ITGAD: variants seen among roughly 807,000 people sequenced by gnomAD.
ITGAD encodes integrin alpha-D.
Under a neutral mutation model 139.0 loss-of-function variants are expected in ITGAD, and 105 were observed. The ratio of observed to expected loss-of-function variants is 0.76; its 90% confidence interval spans 0.65 to 0.89. The LOEUF (loss-of-function observed/expected upper bound fraction) is 0.89. ITGAD is among the 40% of genes least tolerant of loss of function. The pLI, the probability that ITGAD is intolerant of heterozygous loss-of-function variation, is 0.00. For missense variants in ITGAD, 1,384 were observed against 1,487.3 expected (o/e 0.93, Z 1.14); for synonymous variants, 569 against 598.3 (o/e 0.95, Z 0.71).
Position 31,413,246 on chromosome 16 carries a change from G to A in ITGAD, c.1996G>A (p.Gly666Ser). 1 of 1,613,970 alleles carries A rather than the reference G, an allele frequency of 6.2e-7. No homozygotes were observed. Among genetic ancestry groups the A allele is most frequent in the Non-Finnish European group, 8.5e-7 (1 of 1,179,938 alleles). The change falls in exon 16 of 30, where the codon GGT (glycine) becomes AGT (serine). Residue 666 changes from glycine to serine, a missense_variant and splice_region_variant. Coordinates refer to ENST00000389202, the MANE Select transcript of ITGAD (RefSeq NM_005353.3). Reference sequence around the variant, plus strand: ...CCAGAAAAGCTCACTGGACCAGCTAGGTGTGTTTCCCCCATAAAGGGGGCC... The same window carrying A: ...CCAGAAAAGCTCACTGGACCAGCTAAGTGTGTTTCCCCCATAAAGGGGGCC... ...TIQKSSLDQLGDIQSSVRFDL... is the reference protein window; with the variant it reads ...TIQKSSLDQLSDIQSSVRFDL...
intron 5 of ITGAD, among the ~76,000 whole-genome samples, chr16:31,399,395 C>T (rs557504695): frequency 1.1e-4 from 17 of 152,262 alleles, no homozygotes; most frequent in African/African-American, 3.6e-4. Flanking sequence ...TCTCATCTGC[C>T]GTGTGAGAGG....
intron 23 of ITGAD, among the ~76,000 whole-genome samples, chr16:31,419,003 G>GA (rs2081955154): frequency 8.2e-6 from 1 of 121,976 alleles, no homozygotes. Flanking sequence ...CAGCCTGGGT[G>GA]ACAGAGGGAG....
In ITGAD at chr16:31,397,422, C is replaced by T. The variant is rs560106374; in HGVS notation, c.201C>T (p.Cys67=). The T allele has an allele frequency of 1.6e-5, 26 of 1,603,064 alleles. No homozygotes were observed. The highest frequency in any genetic ancestry group is 1.7e-4 in the Middle Eastern group (1 of 6,048). The part of the protein sequence containing the change: ...AANQTGRLYD[C]AAATGMCQPI... ...ACCAGACGGGACGGCTGTATGACTGCGCAGCTGCCACCGGCATGTGCCAGC... is the reference window on the plus strand; with the variant it reads ...ACCAGACGGGACGGCTGTATGACTGTGCAGCTGCCACCGGCATGTGCCAGC... Residue 67 remains cysteine (C), a synonymous_variant, in exon 3 of 30, where the codon TGC becomes TGT. Transcript: ENST00000389202.
At chr16:31,409,463 G>A (rs2081625573) in intron 10 of ITGAD, among the ~76,000 whole-genome samples, 1 of 151,980 alleles carries the variant, frequency 6.6e-6, no homozygotes, top group Non-Finnish European at 1.5e-5. Flanking sequence ...ACATACTTGG[G>A]GGTTCATTAT....
In ITGAD at chr16:31,397,455, G is replaced by C. The variant is rs200212154; in HGVS notation, c.234G>C (p.Pro78=). 13 of 1,593,156 alleles carry C rather than the reference G, an allele frequency of 8.2e-6. No individual in the cohort carries two copies. The highest frequency in any genetic ancestry group is 1.1e-5 in the Non-Finnish European group (13 of 1,169,590). Residue 78 remains proline, a synonymous_variant, in exon 3 of 30, where the codon CCG becomes CCC. Transcript: ENST00000389202. ...CCACCGGCATGTGCCAGCCCATCCC[G>C]CTGCACAGTGAGTGACCACCTGGGA... is the stretch of plus-strand genomic sequence containing the variant. ...AAATGMCQPI[P]LHIRPEAVNM...
chr16:31,412,076 T>C (rs1049785685), intron 14 of ITGAD, among the ~76,000 whole-genome samples: 1 of 150,816 alleles, frequency 6.6e-6, no homozygotes. Context: ...TTTTTTTTTT[T>C]CTTTTTTTTT....
intron 5 of ITGAD, among the ~76,000 whole-genome samples, chr16:31,399,044 C>G (rs185106021): frequency 1.3e-5 from 2 of 152,160 alleles, no homozygotes; most frequent in African/African-American, 4.8e-5. Context: ...GCGGAAAATG[C>G]GATGTGCAAT....
chr16:31,409,338 C>CG, intron 10 of ITGAD, among the ~76,000 whole-genome samples: 1 of 144,000 alleles, frequency 6.9e-6, no homozygotes, highest in Non-Finnish European at 1.5e-5. Context: ...CAAAACAAAG[C>CG]AAAAAAAAAC....
In ITGAD at chr16:31,411,199, T is replaced by G. The variant is rs770064535; in HGVS notation, c.1480T>G (p.Cys494Gly). Residue 494 changes from cysteine (C) to glycine (G), a missense_variant, in exon 13 of 30, where the codon TGT (cysteine) becomes GGT (glycine). By Grantham distance (159) the Cys-to-Gly change is radical. Coordinates refer to ENST00000389202, the MANE Select transcript of ITGAD (RefSeq NM_005353.3). ...EQTRGGQVSV[C>G]PLPRGRVQWQ... ...GACCCGAGGGGGCCAGGTGTCCGTG[T>G]GTCCCTTGCCTAGGGGGGTGAGTGG... The G allele has an allele frequency of 1.2e-6, 2 of 1,613,784 alleles. No homozygotes were observed. The highest frequency in any genetic ancestry group is 1.3e-5 in the African/African-American group (1 of 75,010).
intron 5 of ITGAD, among the ~76,000 whole-genome samples, chr16:31,400,963 A>G (rs1018670243): frequency 6.6e-6 from 1 of 152,160 alleles, no homozygotes; most frequent in Non-Finnish European, 1.5e-5. Flanking sequence ...CAATGCAATC[A>G]TAACAGAGGC....
At chr16:31,401,664 C>G (rs933184718) in intron 5 of ITGAD, among the ~76,000 whole-genome samples, 4 of 152,230 alleles carry the variant, frequency 2.6e-5, no homozygotes, top group Non-Finnish European at 5.9e-5. Context: ...TGCAGTGATC[C>G]CACGTGGTAG....
In ITGAD at chr16:31,405,407, T is replaced by A. The variant is rs188577357; in HGVS notation, c.704+1762T>A. 2.4e-4 allele frequency among the ~76,000 whole-genome samples: 36 copies of A among 152,308 alleles called. No individual in the cohort carries two copies. In the East Asian group the frequency reaches 6.4e-3, roughly 27 times the overall value. ...GCAATAATGGTAAGGAAACTTTTTT[T>A]AAAAGAAGTATTATATTACCCACAG... On this transcript the variant is annotated intron_variant, in intron 7 of 29. Transcript: ENST00000389202.
chr16:31,417,575 TCTTTA>T (rs559499375), intron 20 of ITGAD, among the ~76,000 whole-genome samples: 42 of 151,466 alleles, frequency 2.8e-4, no homozygotes, highest in Admixed American at 9.2e-4. Flanking sequence ...TCTTGTACTT[TCTTTA>T]CTTTTCTTCT....
chr16:31,402,267 C>T, intron 6 of ITGAD, 22 bp downstream of exon 6: 3 of 258,324 alleles, frequency 1.2e-5, no homozygotes, highest in Non-Finnish European at 1.5e-5. Flanking sequence ...GCACCTGGGG[C>T]TGGGGTTTGG....
intron 9 of ITGAD, 93 bp downstream of exon 9, chr16:31,408,009 G>T: frequency 1.5e-6 from 2 of 1,350,820 alleles, no homozygotes; most frequent in Non-Finnish European, 2.0e-6. Context: ...GTCTCACTTT[G>T]TCCCCAGGCT....
intron 14 of ITGAD, among the ~76,000 whole-genome samples, chr16:31,411,999 C>G (rs988076369): frequency 1.3e-5 from 2 of 152,142 alleles, no homozygotes; most frequent in African/African-American, 2.4e-5. Flanking sequence ...CCTGCACCCT[C>G]ATGACGGGTT....
intron 9 of ITGAD, 53 bp from the exon 10 acceptor site, chr16:31,408,372 G>A: frequency 1.4e-6 from 2 of 1,477,450 alleles, no homozygotes; most frequent in South Asian, 1.1e-5. Flanking sequence ...TGTGTTCTGA[G>A]TCCTCATGGG....
At position 31,426,386 on chromosome 16, in the gene ITGAD, T is replaced by C. The variant is rs2082116059; in HGVS notation, c.*258T>C. On this transcript the variant is annotated 3_prime_UTR_variant, in exon 30 of 30. Transcript: ENST00000389202. ...TATGCTTAAGAATTGTCACATGAAA[T>C]GAGGATGTTTATAGCACACTTTCCT... The C allele has an allele frequency of 2.4e-6, 1 of 410,526 alleles. No homozygotes were observed. The highest frequency in any genetic ancestry group is 4.5e-6 in the Non-Finnish European group (1 of 222,860). 25.4% of individuals were successfully genotyped at this position (410,526 alleles called of 1,614,324 possible). A position where few individuals can be genotyped will look rare whatever the true frequency, so the allele number is the denominator to read the frequency against.
chr16:31,410,853 A>T lies in ITGAD; in HGVS notation c.1331A>T (p.Lys444Met). The T allele has an allele frequency of 1.2e-6, 2 of 1,609,770 alleles. No individual in the cohort carries two copies. The highest frequency in any genetic ancestry group is 8.5e-7 in the Non-Finnish European group (1 of 1,177,716). Residue 444 changes from lysine to methionine, a missense_variant, in exon 12 of 30, where the codon AAG (lysine) becomes ATG (methionine). Physicochemically the swap from Lys to Met is moderately conservative, Grantham distance 95 (BLOSUM62 -1). Coordinates refer to ENST00000389202, the MANE Select transcript of ITGAD (RefSeq NM_005353.3). The part of the protein sequence containing the change: ...IFTQVSRQWR[K>M]KAEVTGTQIG... ...ACCCAGGTGTCCAGGCAATGGAGGA[A>T]GAAGGCCGAAGTCACAGGGACGCAG...
Sources: allele counts gnomAD v4.1 joint callset (sites outside exome capture counted in the v4.1 genomes callset), GRCh38; gene constraint gnomAD v4.1.1; transcripts MANE v1.5; gene names NCBI Gene and HGNC (gene_info 2026-07-23, HGNC 2026-07-21).